PPP1R16B: variants seen among roughly 807,000 people sequenced by gnomAD.
PPP1R16B encodes the protein protein phosphatase 1 regulatory inhibitor subunit 16B.
PPP1R16B carries 14 observed loss-of-function variants against 61.7 expected under a neutral mutation model. That is an observed-to-expected ratio of 0.23 (90% CI 0.15 to 0.35). The LOEUF is 0.35. PPP1R16B is among the 10% of genes least tolerant of loss of function. The probability of loss-of-function intolerance (pLI) is 1.00; values close to 1 mark genes in which losing one functional copy is unlikely to be tolerated. For synonymous variants in PPP1R16B, 266 were observed against 305.3 expected (o/e 0.87, Z 1.34); for missense variants, 547 against 752.5 (o/e 0.73, Z 3.19).
intron 1 of PPP1R16B, among the ~76,000 whole-genome samples, chr20:38,816,931 A>T (rs563011827): frequency 3.9e-4 from 60 of 152,146 alleles, no homozygotes; most frequent in Non-Finnish European, 7.6e-4. Flanking sequence ...GCCCAGTTTG[A>T]TGTTACAGCT....
At position 38,907,987 on chromosome 20, in the gene PPP1R16B, G is replaced by GT; in HGVS notation, c.1029-40dup. The GT allele has an allele frequency of 6.2e-7, 1 of 1,614,002 alleles. No homozygotes were observed. The highest frequency in any genetic ancestry group is 8.5e-7 in the Non-Finnish European group (1 of 1,179,910). On this transcript the variant is annotated intron_variant, in intron 9 of 10. Coordinates refer to ENST00000299824, the MANE Select transcript of PPP1R16B (RefSeq NM_015568.4). The surrounding 1 kb of genome is among the most constrained non-coding windows in gnomAD (Gnocchi z 4.5). ...GTCCCTGTGTGTGCTCCTGCCTGTGGTGCCTGGGTGCAGCCTCTAGGACCC... is the reference window on the plus strand; with the variant it reads ...GTCCCTGTGTGTGCTCCTGCCTGTGGTTGCCTGGGTGCAGCCTCTAGGACCC...
chr20:38,918,804 C>CTGGGGT lies in PPP1R16B; in HGVS notation c.*138_*139insTGGGGT. ...TTTTCAGAGGAACTCAGACCCCAGC[C>CTGGGGT]CTCAGCTGGCTGCCCATAGCATCCC... On this transcript the variant is annotated 3_prime_UTR_variant, in exon 11 of 11. Coordinates refer to ENST00000299824, the MANE Select transcript of PPP1R16B (RefSeq NM_015568.4). This position sits in a 1 kb window ranked among gnomAD's most constrained non-coding sequence, Gnocchi z 5.3. 3 of 1,055,694 alleles carry CTGGGGT rather than the reference C, an allele frequency of 2.8e-6. No individual in the cohort carries two copies. Among genetic ancestry groups the CTGGGGT allele is most frequent in the Non-Finnish European group, 3.8e-6 (3 of 792,044 alleles). The allele number at this position is 1,055,694 out of a possible 1,614,324, so 65.4% of individuals were successfully genotyped here. A position where few individuals can be genotyped will look rare whatever the true frequency, so the allele number is the denominator to read the frequency against.
chr20:38,860,119 C>A (rs1568664833), intron 2 of PPP1R16B, among the ~76,000 whole-genome samples: 1 of 152,210 alleles, frequency 6.6e-6, no homozygotes, highest in Non-Finnish European at 1.5e-5. Flanking sequence ...GATTACAGTG[C>A]CACCATGCCC....
chr20:38,912,688 AAAAT>A (rs966673135), intron 10 of PPP1R16B, among the ~76,000 whole-genome samples: 1 of 151,918 alleles, frequency 6.6e-6, no homozygotes, highest in Non-Finnish European at 1.5e-5. Flanking sequence ...AAAAAAAATA[AAAAT>A]AAATAAATGT....
intron 10 of PPP1R16B, among the ~76,000 whole-genome samples, chr20:38,909,239 A>G (rs1470795201): frequency 6.6e-6 from 1 of 152,028 alleles, no homozygotes; most frequent in East Asian, 1.9e-4. Flanking sequence ...GCCTCAAGCA[A>G]TCCTCCCACC....
At chr20:38,858,040 T>C (rs2085020180) in intron 2 of PPP1R16B, among the ~76,000 whole-genome samples, 2 of 152,174 alleles carry the variant, frequency 1.3e-5, no homozygotes, top group Non-Finnish European at 1.5e-5. Flanking sequence ...TTCCTGGCTT[T>C]CCACCTCCTC....
intron 3 of PPP1R16B, among the ~76,000 whole-genome samples, chr20:38,890,196 G>A (rs1443883948): frequency 6.6e-6 from 1 of 152,186 alleles, no homozygotes; most frequent in Non-Finnish European, 1.5e-5. Context: ...CTACAGCCTC[G>A]TAACTGGTCC....
chr20:38,881,180 A>C, intron 2 of PPP1R16B, among the ~76,000 whole-genome samples: 1 of 152,108 alleles, frequency 6.6e-6, no homozygotes, highest in Middle Eastern at 3.2e-3. Flanking sequence ...CCACTGCAGA[A>C]ACCACCATGC....
intron 3 of PPP1R16B, among the ~76,000 whole-genome samples, chr20:38,894,216 C>A (rs1490920145): frequency 6.6e-6 from 1 of 151,360 alleles, no homozygotes; most frequent in Non-Finnish European, 1.5e-5. Context: ...CATGTCCTGG[C>A]GCTGAGCCCT....
intron 2 of PPP1R16B, among the ~76,000 whole-genome samples, chr20:38,879,039 C>T (rs953330994): frequency 6.6e-6 from 1 of 152,030 alleles, no homozygotes; most frequent in Non-Finnish European, 1.5e-5. Flanking sequence ...CCAGGCTCTG[C>T]GGAGCGGAAG....
intron 2 of PPP1R16B, among the ~76,000 whole-genome samples, chr20:38,862,898 T>C (rs1165528684): frequency 2.0e-5 from 3 of 152,186 alleles, no homozygotes; most frequent in African/African-American, 7.2e-5. Flanking sequence ...TTGTCACCAA[T>C]TCAGCTTCCT....
chr20:38,906,962 T>A lies in PPP1R16B; in HGVS notation c.823-17T>A. The A allele has an allele frequency of 6.2e-7, 1 of 1,609,388 alleles. No individual in the cohort carries two copies. Among genetic ancestry groups the A allele is most frequent in the Non-Finnish European group, 8.5e-7 (1 of 1,175,652 alleles). ...GCTCTGGGCAGGGGGACACATGAGC[T>A]TCTTCCTGTGTTTCAGATGCAGATG... On this transcript the variant is annotated splice_polypyrimidine_tract_variant and intron_variant, in intron 7 of 10. Transcript: ENST00000299824.
intron 10 of PPP1R16B, among the ~76,000 whole-genome samples, chr20:38,910,184 G>A (rs992098417): frequency 3.3e-5 from 5 of 152,034 alleles, no homozygotes; most frequent in African/African-American, 1.2e-4. Flanking sequence ...TCACCATGTT[G>A]GCCAGGCTGG....
At position 38,906,070 on chromosome 20, in the gene PPP1R16B, G is replaced by A; in HGVS notation, c.798G>A (p.Leu266=). The A allele has an allele frequency of 6.2e-7, 1 of 1,613,270 alleles. No homozygotes were observed. The highest frequency in any genetic ancestry group is 8.5e-7 in the Non-Finnish European group (1 of 1,179,886). Residue 266 remains leucine, a synonymous_variant, in exon 7 of 11, where the codon CTG becomes CTA. Transcript: ENST00000299824. Reference sequence around the variant, plus strand: ...AGGACTGGGATGGCTGGGAGCCCCTGCATGCAGCTGCCTTCTGGGGACAGG... The same window carrying A: ...AGGACTGGGATGGCTGGGAGCCCCTACATGCAGCTGCCTTCTGGGGACAGG... ...DVKDWDGWEP[L]HAAAFWGQMQ...
In PPP1R16B at chr20:38,810,005, AAC is replaced by A. The variant is rs1491156064; in HGVS notation, c.-102+4215_-102+4216del. 5.6e-4 allele frequency among the ~76,000 whole-genome samples: 84 copies of A among 151,180 alleles called. 1 individual carries two copies. Among genetic ancestry groups the A allele is most frequent in the African/African-American group, 1.6e-3 (67 of 41,180 alleles). On this transcript the variant is annotated intron_variant, in intron 1 of 10. Transcript: ENST00000299824. ...GTTTCGAAAAAAAAAAAAAAAAAAA[AAC>A]AAAACCAAAAAACTTAAAAACCCAG...
In PPP1R16B at chr20:38,906,893, C is replaced by T; in HGVS notation, c.823-86C>T. 2.6e-6 allele frequency: 3 copies of T among 1,135,450 alleles called. No homozygotes were observed. In the South Asian group the frequency reaches 3.8e-5, roughly 14 times the overall value. The allele number at this position is 1,135,450 out of a possible 1,614,324, so 70.3% of individuals were successfully genotyped here. On this transcript the variant is annotated intron_variant, in intron 7 of 10. Coordinates refer to ENST00000299824, the MANE Select transcript of PPP1R16B (RefSeq NM_015568.4). ...TGTCCCACCATTCTTTGGGTCACAT[C>T]CTAAGAGGCCTTGGGCACTCTCTCC...
At chr20:38,830,027 C>T (rs569680070) in intron 1 of PPP1R16B, among the ~76,000 whole-genome samples, 1 of 152,350 alleles carries the variant, frequency 6.6e-6, no homozygotes, top group South Asian at 2.1e-4. Context: ...TGGGCAACTG[C>T]CCTTAATTCC....
intron 1 of PPP1R16B, among the ~76,000 whole-genome samples, chr20:38,832,206 G>A (rs1270752205): frequency 6.6e-6 from 1 of 152,184 alleles, no homozygotes; most frequent in Admixed American, 6.5e-5. Context: ...TCTGGAAAAT[G>A]GGCATGATAG....
intron 2 of PPP1R16B, among the ~76,000 whole-genome samples, chr20:38,846,652 A>G (rs2084937207): frequency 6.6e-6 from 1 of 152,186 alleles, no homozygotes. Flanking sequence ...TTGCATTTTG[A>G]GGCCATTCCC....
Sources: allele counts gnomAD v4.1 joint callset (sites outside exome capture counted in the v4.1 genomes callset), GRCh38; gene constraint gnomAD v4.1.1; non-coding constraint Gnocchi (gnomAD v3.1); transcripts MANE v1.5; gene names NCBI Gene and HGNC (gene_info 2026-07-23, HGNC 2026-07-21).